Variants in SYNRG observed in about 807,000 individuals in gnomAD.
The protein encoded by SYNRG is AP1 gamma subunit binding protein 1.
Under a neutral mutation model 130.9 loss-of-function variants are expected in SYNRG, and 37 were observed. The observed-to-expected ratio is 0.28, with a 90% CI of 0.22 to 0.37. The LOEUF (loss-of-function observed/expected upper bound fraction) is 0.37. SYNRG is among the 10% of genes least tolerant of loss of function. SYNRG has a pLI of 1.00. For missense variants in SYNRG, 1,338 were observed against 1,588.9 expected (o/e 0.84, Z 2.68); for synonymous variants, 539 against 568.1 (o/e 0.95, Z 0.73).
Position 37,541,914 on chromosome 17 carries a change from T to C in SYNRG, c.3202+58A>G, listed in dbSNP as rs1177921289. On this transcript the variant is annotated intron_variant, in intron 15 of 21. Transcript: ENST00000612223. The stretch of plus-strand genomic sequence containing the variant: ...GAGCAACATTTTATTCTTAAGAACA[T>C]CTAACATCTCAGTGGAAAAAAACCA... 4 of 1,461,326 alleles carry C rather than the reference T, an allele frequency of 2.7e-6. No individual in the cohort carries two copies. The South Asian group carries it at 4.9e-5, about 18-fold the overall frequency. 90.5% of individuals were successfully genotyped at this position (1,461,326 alleles called of 1,614,324 possible).
intron 1 of SYNRG, 147 bp from the exon 2 acceptor site, chr17:37,600,550 A>G (rs1372212482): frequency 2.5e-6 from 2 of 795,644 alleles, no homozygotes; most frequent in Admixed American, 4.0e-5. Flanking sequence ...ACATCAGTAC[A>G]CTGAGCATCC....
chr17:37,525,165 A>G (rs1225428638), intron 19 of SYNRG, among the ~76,000 whole-genome samples: 2 of 152,216 alleles, frequency 1.3e-5, no homozygotes, highest in African/African-American at 4.8e-5. Context: ...ATCATATAAG[A>G]TAACAGTTTG....
At chr17:37,581,256 C>G (rs184401734) in intron 6 of SYNRG, among the ~76,000 whole-genome samples, 5 of 150,538 alleles carry the variant, frequency 3.3e-5, no homozygotes, top group Admixed American at 3.3e-4. Context: ...TGCTTCTTCA[C>G]ATTTATTATT....
In SYNRG at chr17:37,576,501, A is replaced by C. The variant is rs2060850647; in HGVS notation, c.824-83T>G. 3.1e-6 allele frequency: 4 copies of C among 1,284,740 alleles called. No individual in the cohort carries two copies. In the South Asian group the frequency reaches 4.2e-5, roughly 14 times the overall value. The allele number at this position is 1,284,740 out of a possible 1,614,324, so 79.6% of individuals were successfully genotyped here. A position where few individuals can be genotyped will look rare whatever the true frequency, so the allele number is the denominator to read the frequency against. ...CACTGAGTCATGGTTTTTTACAAAGAGCACTGGCTGGAGACACTAAAAAAA... is the reference window on the plus strand; with the variant it reads ...CACTGAGTCATGGTTTTTTACAAAGCGCACTGGCTGGAGACACTAAAAAAA... On this transcript the variant is annotated intron_variant, in intron 7 of 21. Transcript: ENST00000612223.
intron 3 of SYNRG, among the ~76,000 whole-genome samples, chr17:37,594,168 TATTA>T (rs1201561753): frequency 9.3e-6 from 1 of 107,114 alleles, no homozygotes; most frequent in South Asian, 2.9e-4. Context: ...ATTTTAATTA[TATTA>T]ATTACAATAT....
chr17:37,594,240 T>C (rs1458888491), intron 3 of SYNRG, among the ~76,000 whole-genome samples: 1 of 144,848 alleles, frequency 6.9e-6, no homozygotes, highest in Non-Finnish European at 1.5e-5. Flanking sequence ...TTAATTACAA[T>C]ATTAATTATT....
chr17:37,519,989 C>T (rs929080330), intron 21 of SYNRG, among the ~76,000 whole-genome samples, 190 bp downstream of exon 21: 4 of 152,102 alleles, frequency 2.6e-5, no homozygotes, highest in African/African-American at 9.7e-5. Context: ...AACAAGCATG[C>T]AAATAAGACA....
In SYNRG at chr17:37,516,822, T is replaced by G. The variant is rs2054461497; in HGVS notation, c.*2118A>C. On this transcript the variant is annotated 3_prime_UTR_variant, in exon 22 of 22. Transcript: ENST00000612223. ...GCACTCCACCTACCCGGCTAATTAT[T>G]TTTTGTATAATTAGCTGGGGTCTTT... is the stretch of plus-strand genomic sequence containing the variant. The G allele has an allele frequency of 6.6e-6, 1 of 151,808 alleles. No homozygotes were observed. The highest frequency in any genetic ancestry group is 1.9e-4 in the East Asian group (1 of 5,180). 9.4% of individuals were successfully genotyped at this position (151,808 alleles called of 1,614,324 possible). A position where few individuals can be genotyped will look rare whatever the true frequency, so the allele number is the denominator to read the frequency against.
Position 37,520,221 on chromosome 17 carries a change from T to C in SYNRG, c.3778-7A>G, listed in dbSNP as rs762506763. On this transcript the variant is annotated splice_polypyrimidine_tract_variant and splice_region_variant and intron_variant, in intron 20 of 21. Coordinates refer to ENST00000612223, the MANE Select transcript of SYNRG (RefSeq NM_007247.6). The stretch of plus-strand genomic sequence containing the variant: ...CTGCAGGCTTCTCTTCTTTCTGAAA[T>C]AACGTTGAAACCACAGGTCAACAAC... The C allele has an allele frequency of 6.8e-6, 11 of 1,614,200 alleles. No homozygotes were observed. The highest frequency in any genetic ancestry group is 1.6e-4 in the Middle Eastern group (1 of 6,062).
At chr17:37,540,619 A>G in intron 15 of SYNRG, 76 bp from the exon 16 acceptor site, 3 of 1,172,668 alleles carry the variant, frequency 2.6e-6, no homozygotes, top group Non-Finnish European at 3.5e-6. Flanking sequence ...CCTCGCTACC[A>G]CAACCCTCTT....
intron 6 of SYNRG, among the ~76,000 whole-genome samples, chr17:37,583,439 T>A (rs905484020): frequency 1.3e-5 from 2 of 152,176 alleles, no homozygotes; most frequent in African/African-American, 4.8e-5. Flanking sequence ...ATGGGAATCT[T>A]AAGTGAAATT....
intron 13 of SYNRG, among the ~76,000 whole-genome samples, chr17:37,558,870 C>T (rs925664151): frequency 2.6e-5 from 4 of 152,306 alleles, no homozygotes; most frequent in Admixed American, 2.6e-4. Flanking sequence ...TGCTACTTGC[C>T]ATTCCCTTTC....
chr17:37,526,943 T>G (rs1459695768), intron 19 of SYNRG, among the ~76,000 whole-genome samples: 1 of 152,180 alleles, frequency 6.6e-6, no homozygotes, highest in Non-Finnish European at 1.5e-5. Context: ...CTGCCTTCTG[T>G]CAACTGAGGA....
At chr17:37,544,028 A>T (rs563144212) in intron 14 of SYNRG, among the ~76,000 whole-genome samples, 6 of 152,364 alleles carry the variant, frequency 3.9e-5, no homozygotes, top group African/African-American at 1.4e-4. Flanking sequence ...CTTCTCTTTC[A>T]TTCACAGCAA....
intron 10 of SYNRG, among the ~76,000 whole-genome samples, chr17:37,570,135 T>C (rs2060310707): frequency 6.9e-6 from 1 of 145,684 alleles, no homozygotes; most frequent in African/African-American, 2.6e-5. Context: ...GATATAGACA[T>C]GCTGAGGCTT....
At chr17:37,576,455 A>C in intron 7 of SYNRG, 37 bp from the exon 8 acceptor site, 1 of 1,570,512 alleles carries the variant, frequency 6.4e-7, no homozygotes, top group East Asian at 2.3e-5. Context: ...ATAGTGGTCC[A>C]TGGAGAAGAT....
chr17:37,600,087 C>T (rs2063134316), intron 2 of SYNRG, among the ~76,000 whole-genome samples: 1 of 152,094 alleles, frequency 6.6e-6, no homozygotes, highest in South Asian at 2.1e-4. Flanking sequence ...ACATTCTTGT[C>T]CTAAAAGTCT....
chr17:37,566,663 T>C (rs2060023966), intron 11 of SYNRG, among the ~76,000 whole-genome samples: 1 of 151,770 alleles, frequency 6.6e-6, no homozygotes, highest in African/African-American at 2.4e-5. Context: ...AAGTATCATA[T>C]ACGAAAGTAA....
intron 14 of SYNRG, among the ~76,000 whole-genome samples, chr17:37,543,323 A>G (rs577601107): frequency 2.3e-4 from 34 of 146,998 alleles, no homozygotes; most frequent in Non-Finnish European, 4.1e-4. Context: ...CCCATTTTTT[A>G]AAAAAAAAGG....
Sources: allele counts gnomAD v4.1 joint callset (sites outside exome capture counted in the v4.1 genomes callset), GRCh38; gene constraint gnomAD v4.1.1; transcripts MANE v1.5; gene names NCBI Gene and HGNC (gene_info 2026-07-23, HGNC 2026-07-21).